Variants in EPHB1 observed in about 807,000 individuals in gnomAD.
The protein encoded by EPHB1 is EPH receptor B1, also known as ephrin type-B receptor 1.
Under a neutral mutation model 94.4 loss-of-function variants are expected in EPHB1, and 30 were observed. The observed-to-expected ratio is 0.32, with a 90% confidence interval of 0.24 to 0.43. The LOEUF (loss-of-function observed/expected upper bound fraction) is 0.43, where lower values mean the gene tolerates loss of function less well. Among genes scored for constraint, EPHB1 ranks in the 20% least tolerant of loss-of-function variants. The pLI, the probability that EPHB1 is intolerant of heterozygous loss-of-function variation, is 1.00. For synonymous variants in EPHB1, 522 were observed against 489.1 expected, an observed-to-expected ratio of 1.07 and a Z score of -0.89; for missense variants, 1,055 against 1,308.3, an observed-to-expected ratio of 0.81 and a Z score of 2.99.
chr3:134,994,919 A>G (rs2107739696), intron 3 of EPHB1, among the ~76,000 whole-genome samples: 1 of 152,324 alleles, frequency 6.6e-6, no homozygotes, highest in East Asian at 1.9e-4. Flanking sequence ...GTACCAAATC[A>G]TAATCAGGAA....
chr3:135,120,338 G>T (rs56259933), intron 4 of EPHB1, among the ~76,000 whole-genome samples: 15,965 of 152,190 alleles, frequency 0.1, 1,261 homozygotes, highest in African/African-American at 0.22. Context: ...GTATTTTATG[G>T]TTTTGTGGCT....
intron 3 of EPHB1, among the ~76,000 whole-genome samples, chr3:135,039,056 C>T (rs926389481): frequency 3.9e-5 from 6 of 152,162 alleles, no homozygotes; most frequent in Admixed American, 2.6e-4. Context: ...TCCAAGGCCC[C>T]ACCAGAGCAG....
At chr3:134,798,473 C>T (rs2035873279) in intron 1 of EPHB1, among the ~76,000 whole-genome samples, 2 of 152,174 alleles carry the variant, frequency 1.3e-5, no homozygotes, top group South Asian at 2.1e-4. Context: ...GCTCCTCTTC[C>T]CTCCTTTCCC....
intron 3 of EPHB1, among the ~76,000 whole-genome samples, chr3:135,034,065 G>A (rs1936570479): frequency 6.6e-6 from 1 of 151,734 alleles, no homozygotes; most frequent in African/African-American, 2.4e-5. Flanking sequence ...TTTAAACTCT[G>A]AGAAGGAAAG....
intron 1 of EPHB1, among the ~76,000 whole-genome samples, chr3:134,808,044 T>C (rs952912021): frequency 1.3e-5 from 2 of 152,134 alleles, no homozygotes; most frequent in Admixed American, 1.3e-4. Context: ...GTTGATGAAG[T>C]TCATAGAGGT....
At chr3:134,831,134 A>G (rs978045561) in intron 1 of EPHB1, among the ~76,000 whole-genome samples, 2 of 152,222 alleles carry the variant, frequency 1.3e-5, no homozygotes, top group South Asian at 2.1e-4. Flanking sequence ...AAGATGAATC[A>G]TAAGGGGGCC....
intron 1 of EPHB1, among the ~76,000 whole-genome samples, chr3:134,827,296 TC>T (rs1341195982): frequency 1.3e-5 from 2 of 152,182 alleles, no homozygotes; most frequent in Non-Finnish European, 2.9e-5. Context: ...AATCTAAGCT[TC>T]CCATTACAAT....
chr3:134,826,267 AG>A (rs1368753412), intron 1 of EPHB1, among the ~76,000 whole-genome samples: 2 of 143,710 alleles, frequency 1.4e-5, no homozygotes, highest in Admixed American at 7.1e-5. Flanking sequence ...AAAAAAAAAA[AG>A]CAATTGAAAA....
chr3:134,865,311 C>G (rs1259090222), intron 1 of EPHB1, among the ~76,000 whole-genome samples: 2 of 152,092 alleles, frequency 1.3e-5, no homozygotes, highest in Non-Finnish European at 2.9e-5. Flanking sequence ...GAGCCACAAC[C>G]TGCATATTGA....
chr3:135,077,728 A>G (rs1024290690), intron 3 of EPHB1, among the ~76,000 whole-genome samples: 2 of 152,154 alleles, frequency 1.3e-5, no homozygotes, highest in Non-Finnish European at 2.9e-5. Flanking sequence ...ACTAGAGCCG[A>G]CCCATGAAGG....
intron 12 of EPHB1, 92 bp from the exon 13 acceptor site, chr3:135,241,056 A>G: frequency 7.0e-7 from 1 of 1,430,748 alleles, no homozygotes; most frequent in South Asian, 1.2e-5. Context: ...TGGGAGTGAG[A>G]GTTTGGAAGA....
chr3:135,002,750 G>T (rs1935229677), intron 3 of EPHB1, among the ~76,000 whole-genome samples: 1 of 152,162 alleles, frequency 6.6e-6, no homozygotes, highest in Non-Finnish European at 1.5e-5. Context: ...TTGCGTAGAG[G>T]TGTTTGTAGT....
chr3:134,963,656 G>A (rs1933617922), intron 3 of EPHB1, among the ~76,000 whole-genome samples: 1 of 152,178 alleles, frequency 6.6e-6, no homozygotes, highest in Non-Finnish European at 1.5e-5. Context: ...GAGGCACCGA[G>A]AAGGTAAGTA....
chr3:134,975,736 T>A (rs942667638), intron 3 of EPHB1, among the ~76,000 whole-genome samples: 3 of 151,462 alleles, frequency 2.0e-5, no homozygotes, highest in Non-Finnish European at 2.9e-5. Context: ...GTTTTTTTTT[T>A]AAACTATTCG....
chr3:135,077,955 A>G (rs994967633), intron 3 of EPHB1, among the ~76,000 whole-genome samples: 5 of 152,262 alleles, frequency 3.3e-5, no homozygotes, highest in Non-Finnish European at 5.9e-5. Flanking sequence ...AAGACTCTAT[A>G]GAAAGCATGT....
chr3:135,234,609 G>A (rs1312453874), intron 12 of EPHB1, among the ~76,000 whole-genome samples: 2 of 152,084 alleles, frequency 1.3e-5, no homozygotes, highest in African/African-American at 4.8e-5. Flanking sequence ...CCCAAGACAG[G>A]GTAATTTATA....
chr3:135,013,605 C>G (rs748914536), intron 3 of EPHB1, among the ~76,000 whole-genome samples: 3 of 152,230 alleles, frequency 2.0e-5, no homozygotes, highest in Non-Finnish European at 4.4e-5. Context: ...AAGGCAACCA[C>G]TTTCAGTGGT....
At chr3:134,836,600 C>T (rs61281257) in intron 1 of EPHB1, among the ~76,000 whole-genome samples, 23,149 of 152,136 alleles carry the variant, frequency 0.15, 1,979 homozygotes, top group South Asian at 0.41. Flanking sequence ...ATTATTGTAA[C>T]TGGTTAAAAT....
intron 3 of EPHB1, among the ~76,000 whole-genome samples, chr3:135,037,734 G>C (rs561044071): frequency 6.6e-6 from 1 of 152,344 alleles, no homozygotes; most frequent in East Asian, 1.9e-4. Context: ...AACAAGCCAA[G>C]AGGTACAAGA....
Sources: allele counts gnomAD v4.1 joint callset (sites outside exome capture counted in the v4.1 genomes callset), GRCh38; gene constraint gnomAD v4.1.1; transcripts MANE v1.5; gene names NCBI Gene and HGNC (gene_info 2026-07-23, HGNC 2026-07-21).